DCST2: variants seen among roughly 807,000 people sequenced by gnomAD.
The protein encoded by DCST2 is DC-STAMP domain containing 2.
In DCST2, 64 loss-of-function variants were observed where a neutral mutation model predicts 81.8. That is an observed-to-expected ratio of 0.78 (90% confidence interval 0.64 to 0.96). The LOEUF is 0.96. DCST2 is among the 40% of genes least tolerant of loss of function. The pLI is 0.00. For synonymous variants in DCST2, 354 were observed against 402.6 expected, an observed-to-expected ratio of 0.88 and a Z score of 1.44; for missense variants, 945 against 1,001.4, an observed-to-expected ratio of 0.94 and a Z score of 0.76.
At position 155,029,231 on chromosome 1, in the gene DCST2, A is replaced by C. The variant is rs1195218702; in HGVS notation, c.1342+2T>G. On this transcript the variant is annotated splice_donor_variant, in intron 8 of 14. Transcript: ENST00000368424. LOFTEE classifies it high-confidence loss of function. ...GGAGGAGGCTGTCACGTAGGCACTC[A>C]CTGCGGGCCACAATCTCCCCCTGCA... 6.2e-7 allele frequency: 1 copy of C among 1,612,978 alleles called. No homozygotes were observed.
rs1179035964 is a variant in DCST2 at position 155,030,584 on chromosome 1, G to A, written c.867C>T (p.His289=). The A allele has an allele frequency of 1.9e-6, 3 of 1,614,016 alleles. No individual in the cohort carries two copies. The highest frequency in any genetic ancestry group is 2.2e-5 in the South Asian group (2 of 91,088). ...AGGCATTGAGATCCACAGAGAAGTGGTGGGTGGCTGTCATGTTGAACTCAA... is the reference window on the plus strand; with the variant it reads ...AGGCATTGAGATCCACAGAGAAGTGATGGGTGGCTGTCATGTTGAACTCAA... ...QEFEFNMTAT[H]HFSVDLNASR... is the part of the protein sequence containing the mutation. The change falls in exon 6 of 15, where the codon CAC becomes CAT. Residue 289 remains histidine, a synonymous_variant. Transcript: ENST00000368424.
In DCST2 at chr1:155,030,648, G is replaced by A; in HGVS notation, c.806-3C>T. On this transcript the variant is annotated splice_polypyrimidine_tract_variant and splice_region_variant and intron_variant, in intron 5 of 14. Coordinates refer to ENST00000368424, the MANE Select transcript of DCST2 (RefSeq NM_144622.3). ...CCGGTTGAGCAACTGAATCACGGCT[G>A]GGGCCAGCAGGTTCAGGGGAGACGT... 6.2e-7 allele frequency: 1 copy of A among 1,613,976 alleles called. No individual in the cohort carries two copies. The highest frequency in any genetic ancestry group is 8.5e-7 in the Non-Finnish European group (1 of 1,179,982).
In DCST2 at chr1:155,026,366, A is replaced by G. The variant is rs765629301; in HGVS notation, c.1547T>C (p.Phe516Ser). Residue 516 changes from phenylalanine (F) to serine (S), a missense_variant, in exon 10 of 15, where the codon TTT becomes TCT. Coordinates refer to ENST00000368424, the MANE Select transcript of DCST2 (RefSeq NM_144622.3). Reference protein sequence around the residue: ...MYGLCFFITLFGSYVSRLRRV... With the variant: ...MYGLCFFITLSGSYVSRLRRV... ...CCGCAGCCGGCTGACATAGCTGCCAAACAGGGTGATGAAGAAGCATAGGCC... is the reference window on the plus strand; with the variant it reads ...CCGCAGCCGGCTGACATAGCTGCCAGACAGGGTGATGAAGAAGCATAGGCC... 38 of 1,613,754 alleles carry G rather than the reference A, an allele frequency of 2.4e-5. No individual in the cohort carries two copies. The highest frequency in any genetic ancestry group is 3.0e-5 in the Non-Finnish European group (35 of 1,180,036).
chr1:155,024,283 AAAACTT>A (rs1476337851), intron 11 of DCST2, among the ~76,000 whole-genome samples, 183 bp downstream of exon 11: 1 of 152,184 alleles, frequency 6.6e-6, no homozygotes, highest in African/African-American at 2.4e-5. Context: ...CATGTACCCT[AAAACTT>A]AAAGTATAAT....
chr1:155,024,615 G>T lies in DCST2; in HGVS notation c.1612-13C>A, dbSNP rs372178165. The T allele has an allele frequency of 1.3e-6, 2 of 1,587,242 alleles. No homozygotes were observed. Among genetic ancestry groups the T allele is most frequent in the South Asian group, 1.2e-5 (1 of 85,218 alleles). On this transcript the variant is annotated splice_polypyrimidine_tract_variant and intron_variant, in intron 10 of 14. Transcript: ENST00000368424. The stretch of plus-strand genomic sequence containing the variant: ...AGGAGATCCTCTCCTGGTGCGGGGA[G>T]ATCAGGGATGGGGTCCCACTTGACC...
At chr1:155,024,354 T>C in intron 11 of DCST2, 118 bp downstream of exon 11, 3 of 1,380,008 alleles carry the variant, frequency 2.2e-6, no homozygotes, top group Non-Finnish European at 9.7e-7. Flanking sequence ...GGGTATGCAA[T>C]GGGCATTCTC....
At position 155,023,449 on chromosome 1, in the gene DCST2, A is replaced by C; in HGVS notation, c.1879T>G (p.Cys627Gly). The C allele has an allele frequency of 1.3e-6, 2 of 1,594,970 alleles. No individual in the cohort carries two copies. Among genetic ancestry groups the C allele is most frequent in the Non-Finnish European group, 1.7e-6 (2 of 1,170,476 alleles). ...TCCAGGAGGCGGAAGCAAGTGAGGCAGTAGAGACCTGGTGGAGGCCATGGG... is the reference window on the plus strand; with the variant it reads ...TCCAGGAGGCGGAAGCAAGTGAGGCCGTAGAGACCTGGTGGAGGCCATGGG... ...CSTPGCQGLY[C>G]LTCFRLLDNT... The change falls in exon 13 of 15, where the codon TGC becomes GGC. Residue 627 changes from cysteine (C) to glycine (G), a missense_variant. Cys to Gly is a radical substitution (Grantham distance 159). Transcript: ENST00000368424.
At chr1:155,021,231 C>T (rs188475079) in intron 14 of DCST2, among the ~76,000 whole-genome samples, 8 of 151,812 alleles carry the variant, frequency 5.3e-5, no homozygotes, top group Admixed American at 5.2e-4. Context: ...GAACTCCTGA[C>T]CTTAAGTGGT....
Position 155,026,675 on chromosome 1 carries a change from G to A in DCST2, c.1383C>T (p.Tyr461=), listed in dbSNP as rs146130973. 4.0e-3 allele frequency: 6,395 copies of A among 1,614,102 alleles called. 21 individuals carry two copies. Among genetic ancestry groups the A allele is most frequent in the Non-Finnish European group, 5.0e-3 (5,858 of 1,180,036 alleles). ...LVSLTVEGTG[Y]AGNIYRDLVS... ...CCAGGTCACGATAAATATTCCCAGC[G>A]TAGCCAGTACCTTCCACGGTTAGAG... The change falls in exon 9 of 15, where the codon TAC becomes TAT. Residue 461 remains tyrosine, a synonymous_variant. Transcript: ENST00000368424.
rs762363458 is a variant in DCST2, at chr1:155,024,505, C to T, written c.1709G>A (p.Gly570Asp). The stretch of plus-strand genomic sequence containing the variant: ...CAGCACTAGGAAGGCACTTCTGTGG[C>T]CCTGGTCAGCCGCCCGCCGCCTCAC... ...RSVRRRAADQ[G>D]HRSAFLVLAS... The change falls in exon 11 of 15, where the codon GGC becomes GAC. Residue 570 changes from glycine to aspartate, a missense_variant. Gly to Asp is a moderately conservative substitution (Grantham distance 94). Coordinates refer to ENST00000368424, the MANE Select transcript of DCST2 (RefSeq NM_144622.3). 25 of 1,607,600 alleles carry T rather than the reference C, an allele frequency of 1.6e-5. No homozygotes were observed. Among genetic ancestry groups the T allele is most frequent in the Non-Finnish European group, 2.0e-5 (24 of 1,176,978 alleles).
chr1:155,025,314 G>GT, intron 10 of DCST2, among the ~76,000 whole-genome samples: 1 of 151,938 alleles, frequency 6.6e-6, no homozygotes, highest in East Asian at 1.9e-4. Context: ...GATGGTGAGG[G>GT]TTTTTTGTTT....
chr1:155,023,675 G>A (rs1180160126), intron 12 of DCST2, 157 bp downstream of exon 12: 1 of 1,557,798 alleles, frequency 6.4e-7, no homozygotes, highest in East Asian at 2.3e-5. Flanking sequence ...TGAGCTACCT[G>A]AAGGCTCTGT....
Position 155,031,780 on chromosome 1 carries a change from A to C in DCST2, c.542-9T>G, listed in dbSNP as rs1660093453. ...ATTCCGGAGAGCCCTGGCTGGGGAC[A>C]GCTGCAGGGTTGGCACCCAGGGCTG... is the stretch of plus-strand genomic sequence containing the variant. On this transcript the variant is annotated splice_polypyrimidine_tract_variant and intron_variant, in intron 3 of 14. Transcript: ENST00000368424. The C allele has an allele frequency of 1.2e-6, 2 of 1,613,030 alleles. No homozygotes were observed. The highest frequency in any genetic ancestry group is 1.7e-6 in the Non-Finnish European group (2 of 1,179,902).
rs769394230 is a variant in DCST2, at chr1:155,031,201, ATGTACT to A, written c.767_772del (p.Lys256_Tyr257del). The A allele has an allele frequency of 1.9e-4, 302 of 1,592,110 alleles. No homozygotes were observed. The highest frequency in any genetic ancestry group is 2.5e-4 in the Non-Finnish European group (295 of 1,171,662). Reference sequence around the variant, plus strand: ...GATGGTCTGGCGCAAGAAGGGTTGAATGTACTTAGGGATGACGCAGAACACCTGGAC... The same window carrying A: ...GATGGTCTGGCGCAAGAAGGGTTGAATAGGGATGACGCAGAACACCTGGAC... On this transcript the variant is annotated inframe_deletion, in exon 5 of 15. Transcript: ENST00000368424.
chr1:155,030,450 A>G lies in DCST2; in HGVS notation c.1001T>C (p.Leu334Pro). ...ALMGFTTPLL[L>P]VLLYLQALFY... Reference sequence around the variant, plus strand: ...CCCTCACTGGAGGTAGAGAAGCACAAGCAGCAGAGGCGTGGTGAAGCCCAT... The same window carrying G: ...CCCTCACTGGAGGTAGAGAAGCACAGGCAGCAGAGGCGTGGTGAAGCCCAT... Residue 334 changes from leucine (L) to proline (P), a missense_variant, in exon 6 of 15, where the codon CTT (leucine) becomes CCT (proline). Coordinates refer to ENST00000368424, the MANE Select transcript of DCST2 (RefSeq NM_144622.3). 3.7e-6 allele frequency: 6 copies of G among 1,613,760 alleles called. No individual in the cohort carries two copies. The highest frequency in any genetic ancestry group is 5.1e-6 in the Non-Finnish European group (6 of 1,179,952).
chr1:155,033,587 C>T lies in DCST2; in HGVS notation c.115G>A (p.Ala39Thr), dbSNP rs758618986. ...GFTLGLSLAT[A>T]YGLLELLVEG... Reference sequence around the variant, plus strand: ...ACCAGTAGCTCCAGAAGCCCGTAGGCCGTGGCTAAAGACAAGCCCAGGGTA... The same window carrying T: ...ACCAGTAGCTCCAGAAGCCCGTAGGTCGTGGCTAAAGACAAGCCCAGGGTA... The change falls in exon 1 of 15, where the codon GCC becomes ACC. Residue 39 changes from alanine (A) to threonine (T), a missense_variant. Ala to Thr is a moderately conservative substitution (Grantham distance 58). Transcript: ENST00000368424. The T allele has an allele frequency of 5.0e-6, 8 of 1,614,062 alleles. No homozygotes were observed. The African/African-American group carries it at 9.3e-5, about 19-fold the overall frequency.
Position 155,024,506 on chromosome 1 carries a change from C to T in DCST2, c.1708G>A (p.Gly570Ser). 1.2e-6 allele frequency: 2 copies of T among 1,607,788 alleles called. No homozygotes were observed. Among genetic ancestry groups the T allele is most frequent in the Non-Finnish European group, 1.7e-6 (2 of 1,176,990 alleles). Residue 570 changes from glycine to serine, a missense_variant, in exon 11 of 15, where the codon GGC (glycine) becomes AGC (serine). Gly to Ser is a moderately conservative substitution (Grantham distance 56, BLOSUM62 0). Transcript: ENST00000368424. ...RSVRRRAADQGHRSAFLVLAS... is the reference protein window; with the variant it reads ...RSVRRRAADQSHRSAFLVLAS... ...AGCACTAGGAAGGCACTTCTGTGGC[C>T]CTGGTCAGCCGCCCGCCGCCTCACT...
At chr1:155,028,519 G>A (rs537313346) in intron 8 of DCST2, among the ~76,000 whole-genome samples, 26 of 151,844 alleles carry the variant, frequency 1.7e-4, no homozygotes, top group Non-Finnish European at 3.1e-4. Flanking sequence ...GGGAGGCAGA[G>A]ATTGTAGTGA....
intron 14 of DCST2, among the ~76,000 whole-genome samples, chr1:155,021,695 C>G (rs1659761130): frequency 6.6e-6 from 1 of 151,956 alleles, no homozygotes; most frequent in South Asian, 2.1e-4. Flanking sequence ...TTCCCCAGAA[C>G]CTGTTTATCT....
Sources: allele counts gnomAD v4.1 joint callset (sites outside exome capture counted in the v4.1 genomes callset), GRCh38; gene constraint gnomAD v4.1.1; transcripts MANE v1.5; gene names NCBI Gene and HGNC (gene_info 2026-07-23, HGNC 2026-07-21).